Variants in SPTAN1 observed in about 807,000 individuals in gnomAD.
The protein encoded by SPTAN1 is spectrin alpha chain, non-erythrocytic 1.
A neutral mutation model predicts 331.3 loss-of-function variants in SPTAN1; 61 were observed. The observed-to-expected ratio is 0.18, with a 90% CI of 0.15 to 0.23. The LOEUF is 0.23. SPTAN1 is among the 10% of genes least tolerant of loss of function. The pLI is 1.00. For missense variants in SPTAN1, 2,043 were observed against 3,147.9 expected (o/e 0.65, Z 8.40); for synonymous variants, 1,153 against 1,173.9 (o/e 0.98, Z 0.36).
chr9:128,626,176 A>T, intron 48 of SPTAN1, 198 bp downstream of exon 48: 1 of 870,348 alleles, frequency 1.1e-6, no homozygotes, highest in Non-Finnish European at 1.8e-6. Context: ...AGAAGCACGC[A>T]GGACAGACTA....
intron 54 of SPTAN1, 21 bp from the exon 55 acceptor site, chr9:128,632,551 G>A (rs371679251): frequency 1.9e-5 from 31 of 1,613,988 alleles, no homozygotes; most frequent in Admixed American, 3.3e-5. Context: ...CTGCTGAGCC[G>A]CCCTCGGCTT....
At chr9:128,565,260 C>T (rs935022683) in intron 1 of SPTAN1, among the ~76,000 whole-genome samples, 3 of 152,152 alleles carry the variant, frequency 2.0e-5, no homozygotes, top group Admixed American at 2.0e-4. Context: ...GAGATCATGC[C>T]ATTGCACTCC....
At chr9:128,606,570 G>T (rs530807829) in intron 31 of SPTAN1, among the ~76,000 whole-genome samples, 1 of 149,602 alleles carries the variant, frequency 6.7e-6, no homozygotes, top group Non-Finnish European at 1.5e-5. Context: ...CGCAACCTCC[G>T]CCTCCTGGGT....
chr9:128,612,694 G>C (rs1236030558), intron 39 of SPTAN1, among the ~76,000 whole-genome samples: 1 of 152,194 alleles, frequency 6.6e-6, no homozygotes, highest in Non-Finnish European at 1.5e-5. Context: ...GGGAGGCCGA[G>C]GCAGGCAGAT....
intron 12 of SPTAN1, 96 bp from the exon 13 acceptor site, chr9:128,582,383 G>A: frequency 9.5e-7 from 1 of 1,051,440 alleles, no homozygotes; most frequent in South Asian, 1.3e-5. Flanking sequence ...TTAAAGTTTG[G>A]TGTGTTTTAT....
intron 26 of SPTAN1, chr9:128,599,471 A>C (rs1224300671): frequency 6.2e-6 from 1 of 160,196 alleles, no homozygotes; most frequent in African/African-American, 2.7e-5. Context: ...TCCAAAAGAC[A>C]AAAAAAGTTG....
At chr9:128,599,908 C>T in intron 26 of SPTAN1, 172 bp from the exon 27 acceptor site, 1 of 678,822 alleles carries the variant, frequency 1.5e-6, no homozygotes, top group Non-Finnish European at 2.6e-6. Context: ...TTTTTCTTAA[C>T]CAGCCTTGTA....
At chr9:128,560,120 G>A (rs1849130289) in intron 1 of SPTAN1, among the ~76,000 whole-genome samples, 1 of 128,758 alleles carries the variant, frequency 7.8e-6, no homozygotes, top group African/African-American at 3.0e-5. Context: ...GTCTCGCTCT[G>A]TCGCCCAGGC....
chr9:128,582,580 T>G (rs779738397), intron 13 of SPTAN1, 24 bp downstream of exon 13: 8 of 1,612,620 alleles, frequency 5.0e-6, no homozygotes, highest in South Asian at 4.4e-5. Flanking sequence ...TTCTTCATGC[T>G]CCTCCTTTTT....
intron 4 of SPTAN1, 97 bp downstream of exon 4, chr9:128,574,912 C>G (rs555806176): frequency 6.4e-7 from 1 of 1,562,282 alleles, no homozygotes; most frequent in Non-Finnish European, 8.8e-7. Context: ...AGCACAGATA[C>G]GGCCATTTTA....
chr9:128,584,920 G>A, intron 18 of SPTAN1, 77 bp downstream of exon 18: 1 of 1,583,882 alleles, frequency 6.3e-7, no homozygotes, highest in African/African-American at 1.3e-5. Context: ...ATGGCCACGT[G>A]GGCATCACAA....
chr9:128,615,577 A>G (rs1857066404), intron 40 of SPTAN1, 55 bp from the exon 41 acceptor site: 1 of 1,589,750 alleles, frequency 6.3e-7, no homozygotes, highest in African/African-American at 1.3e-5. Context: ...TCTTATGTTC[A>G]AGCAGATAGC....
Position 128,591,455 on chromosome 9 carries a change from G to A in SPTAN1, c.3007-22G>A, listed in dbSNP as rs745430813. Reference sequence around the variant, plus strand: ...CTCTCAGAGAAGGAATTTACTTTCAGTTCTCCCTCTTTTTTCCTTAGGATT... The same window carrying A: ...CTCTCAGAGAAGGAATTTACTTTCAATTCTCCCTCTTTTTTCCTTAGGATT... On this transcript the variant is annotated intron_variant, in intron 21 of 56. Coordinates refer to ENST00000372739, the MANE Select transcript of SPTAN1 (RefSeq NM_001130438.3). 3.1e-6 allele frequency: 5 copies of A among 1,613,860 alleles called. No individual in the cohort carries two copies. The African/African-American group carries it at 4.0e-5, about 13-fold the overall frequency.
chr9:128,598,572 G>A, intron 25 of SPTAN1, 68 bp downstream of exon 25: 1 of 1,270,446 alleles, frequency 7.9e-7, no homozygotes, highest in Non-Finnish European at 1.1e-6. Flanking sequence ...TCTTGTGTCT[G>A]TCATAGCCCA....
chr9:128,562,620 C>T (rs998401084), intron 1 of SPTAN1, among the ~76,000 whole-genome samples: 1 of 152,108 alleles, frequency 6.6e-6, no homozygotes, highest in African/African-American at 2.4e-5. Context: ...TGATCCTTGT[C>T]AGGGTCCTCA....
At chr9:128,592,422 A>T (rs1675446445) in intron 22 of SPTAN1, among the ~76,000 whole-genome samples, 1 of 151,978 alleles carries the variant, frequency 6.6e-6, no homozygotes, top group African/African-American at 2.4e-5. Context: ...CTGCTGGCAC[A>T]TGCCACCATG....
chr9:128,620,585 GTGC>G, intron 44 of SPTAN1, among the ~76,000 whole-genome samples: 1 of 152,106 alleles, frequency 6.6e-6, no homozygotes, highest in Non-Finnish European at 1.5e-5. Context: ...GGGTGTGGTG[GTGC>G]ACACCTGTAA....
Position 128,607,877 on chromosome 9 carries a change from G to C in SPTAN1, c.4172G>C (p.Arg1391Thr). Reference protein sequence around the residue: ...HQEHRTEIDARAGTFQAFEQF... With the variant: ...HQEHRTEIDATAGTFQAFEQF... The stretch of plus-strand genomic sequence containing the variant: ...GAACACCGGACAGAAATCGATGCCA[G>C]GGCTGGCACTTTCCAGGCATTTGAG... Residue 1391 changes from arginine (R) to threonine (T), a missense_variant, in exon 33 of 57, where the codon AGG becomes ACG. By Grantham distance (71) the Arg-to-Thr change is moderately conservative (BLOSUM62 -1). Transcript: ENST00000372739. The C allele has an allele frequency of 6.2e-7, 1 of 1,614,074 alleles. No homozygotes were observed. Among genetic ancestry groups the C allele is most frequent in the Non-Finnish European group, 8.5e-7 (1 of 1,180,046 alleles).
chr9:128,563,788 C>T (rs949038955), intron 1 of SPTAN1, among the ~76,000 whole-genome samples: 3 of 149,076 alleles, frequency 2.0e-5, no homozygotes, highest in South Asian at 2.1e-4. Flanking sequence ...TGACTACGGG[C>T]GCATGCCACC....
Sources: allele counts gnomAD v4.1 joint callset (sites outside exome capture counted in the v4.1 genomes callset), GRCh38; gene constraint gnomAD v4.1.1; transcripts MANE v1.5; gene names NCBI Gene and HGNC (gene_info 2026-07-23, HGNC 2026-07-21).